Variants in ADGRA3 observed in about 807,000 individuals in gnomAD.
ADGRA3 encodes adhesion G protein-coupled receptor A3, also known as G-protein coupled receptor 125.
In ADGRA3, 56 loss-of-function variants were observed where a neutral mutation model predicts 119.8. The observed-to-expected ratio is 0.47, with a 90% CI of 0.38 to 0.58. The LOEUF is 0.58. Among genes scored for constraint, ADGRA3 ranks in the 20% least tolerant of loss-of-function variants. The pLI is 0.00. For missense variants in ADGRA3, 1,516 were observed against 1,649.0 expected (o/e 0.92, Z 1.40); for synonymous variants, 607 against 623.8 (o/e 0.97, Z 0.40).
chr4:22,447,552 A>G, intron 4 of ADGRA3, 41 bp from the exon 5 acceptor site: 2 of 1,160,624 alleles, frequency 1.7e-6, no homozygotes, highest in Non-Finnish European at 2.5e-6. Flanking sequence ...AAATACAATT[A>G]TCTATCATTT....
intron 7 of ADGRA3, 51 bp downstream of exon 7, chr4:22,442,599 A>C: frequency 7.7e-7 from 1 of 1,303,736 alleles, no homozygotes; most frequent in Non-Finnish European, 1.1e-6. Context: ...CAAAAGGATA[A>C]ATAAAATACA....
At chr4:22,506,267 A>G (rs1430111930) in intron 1 of ADGRA3, among the ~76,000 whole-genome samples, 1 of 152,088 alleles carries the variant, frequency 6.6e-6, no homozygotes, top group Non-Finnish European at 1.5e-5. Flanking sequence ...GAAAAGCAAA[A>G]TAAGGCCGGG....
Position 22,413,823 on chromosome 4 carries a change from A to C in ADGRA3, c.1810-9T>G, listed in dbSNP as rs766504665. On this transcript the variant is annotated splice_polypyrimidine_tract_variant and intron_variant, in intron 12 of 18. Transcript: ENST00000334304. ...GCCTCCACAATAGTATTCTGAAAAA[A>C]TATATATACATAAAAAAAGCTCACT... 1 of 1,564,324 alleles carries C rather than the reference A, an allele frequency of 6.4e-7. No homozygotes were observed. The highest frequency in any genetic ancestry group is 1.2e-5 in the South Asian group (1 of 84,352).
At chr4:22,413,114 T>A (rs1715280716) in intron 14 of ADGRA3, 68 bp downstream of exon 14, 15 of 1,180,664 alleles carry the variant, frequency 1.3e-5, no homozygotes, top group Non-Finnish European at 1.9e-5. Flanking sequence ...AAACACTTCA[T>A]TTGAGCTTAA....
intron 10 of ADGRA3, among the ~76,000 whole-genome samples, chr4:22,431,850 G>A (rs1344115053): frequency 2.0e-5 from 3 of 152,000 alleles, no homozygotes; most frequent in Non-Finnish European, 4.4e-5. Flanking sequence ...AGAAATGTTT[G>A]GGGTCTTTAT....
At chr4:22,396,017 A>T (rs58946984) in intron 16 of ADGRA3, among the ~76,000 whole-genome samples, 5,879 of 152,270 alleles carry the variant, frequency 0.039, 291 homozygotes, top group African/African-American at 0.12. Flanking sequence ...GCAACAAGGT[A>T]TCTTAGATAA....
chr4:22,440,641 A>G (rs771929230), intron 7 of ADGRA3, among the ~76,000 whole-genome samples: 1 of 152,186 alleles, frequency 6.6e-6, no homozygotes, highest in Non-Finnish European at 1.5e-5. Flanking sequence ...ACTTGCAGAA[A>G]TAGATTTATA....
intron 4 of ADGRA3, among the ~76,000 whole-genome samples, chr4:22,452,920 C>T (rs1717101010): frequency 6.6e-6 from 1 of 151,982 alleles, no homozygotes; most frequent in Non-Finnish European, 1.5e-5. Flanking sequence ...AAAATACAGC[C>T]AGGCGTGGTG....
intron 7 of ADGRA3, among the ~76,000 whole-genome samples, chr4:22,439,957 AAC>A (rs1489628100): frequency 2.6e-5 from 4 of 152,230 alleles, no homozygotes; most frequent in East Asian, 1.9e-4. Flanking sequence ...TGAAAAAAGT[AAC>A]ACACATAAAT....
intron 2 of ADGRA3, among the ~76,000 whole-genome samples, chr4:22,465,562 G>A (rs1717625487): frequency 6.6e-6 from 1 of 152,146 alleles, no homozygotes; most frequent in Non-Finnish European, 1.5e-5. Context: ...CTCTAACTCT[G>A]GGCTGTTTGG....
rs188416173 is a variant in ADGRA3 at position 22,427,032 on chromosome 4, G to T, written c.1444-2680C>A. Among the ~76,000 whole-genome samples the T allele has an allele frequency of 1.9e-3, 292 of 152,204 alleles. 1 individual carries two copies. Among genetic ancestry groups the T allele is most frequent in the Non-Finnish European group, 2.3e-3 (155 of 68,014 alleles). ...AACTAGTAAGTCCAAAGTCTTAATG[G>T]GAATTCACAGTAGTTGGAATAACTT... On this transcript the variant is annotated intron_variant, in intron 10 of 18. Transcript: ENST00000334304.
intron 5 of ADGRA3, among the ~76,000 whole-genome samples, 173 bp downstream of exon 5, chr4:22,447,267 C>T (rs1716863593): frequency 6.6e-6 from 1 of 151,790 alleles, no homozygotes; most frequent in Admixed American, 6.6e-5. Context: ...TAGTCTAAAC[C>T]ACATTATTCA....
chr4:22,432,244 T>G lies in ADGRA3; in HGVS notation c.1443+3067A>C, dbSNP rs562968084. On this transcript the variant is annotated intron_variant, in intron 10 of 18. Transcript: ENST00000334304. ...ACATCACCTGAAACTGACTAGAAAT[T>G]CAAATTCTCTGAACCCATTTCAGAC... Among the ~76,000 whole-genome samples, 301 of 152,192 alleles carry G rather than the reference T, an allele frequency of 2.0e-3. 5 individuals carry two copies. The Middle Eastern group carries it at 0.024, about 12-fold the overall frequency.
Position 22,415,009 on chromosome 4 carries a change from T to C in ADGRA3, c.1810-1195A>G, listed in dbSNP as rs188425440. 2.5e-3 allele frequency among the ~76,000 whole-genome samples: 385 copies of C among 152,258 alleles called. 2 individuals carry two copies. Among genetic ancestry groups the C allele is most frequent in the Middle Eastern group, 3.4e-3 (1 of 294 alleles). ...TTGCATCTCCTCAGTATATTGCATC[T>C]TCAGATTAGCTGCTTCCTCTTCTGG... On this transcript the variant is annotated intron_variant, in intron 12 of 18. Coordinates refer to ENST00000334304, the MANE Select transcript of ADGRA3 (RefSeq NM_145290.4).
intron 2 of ADGRA3, among the ~76,000 whole-genome samples, chr4:22,467,463 T>C (rs904481895): frequency 1.3e-5 from 2 of 152,234 alleles, no homozygotes; most frequent in Admixed American, 6.5e-5. Flanking sequence ...AATAGAAATA[T>C]ATAATGTCAG....
chr4:22,500,697 T>A (rs1458782973), intron 1 of ADGRA3, among the ~76,000 whole-genome samples: 1 of 152,204 alleles, frequency 6.6e-6, no homozygotes, highest in Non-Finnish European at 1.5e-5. Flanking sequence ...CTTGTGAATG[T>A]AAAGTAAGAG....
At chr4:22,427,646 G>C (rs1347284573) in intron 10 of ADGRA3, among the ~76,000 whole-genome samples, 1 of 152,124 alleles carries the variant, frequency 6.6e-6, no homozygotes, top group Non-Finnish European at 1.5e-5. Flanking sequence ...CTGTAGCTTG[G>C]TTACAGAAGT....
chr4:22,399,772 C>T (rs1714534861), intron 16 of ADGRA3, among the ~76,000 whole-genome samples: 2 of 152,232 alleles, frequency 1.3e-5, no homozygotes, highest in South Asian at 4.2e-4. Flanking sequence ...TCTGGCTCTG[C>T]TCCTCTTTTT....
rs1334732076 is a variant in ADGRA3 at position 22,515,977 on chromosome 4, G to T, written c.-193C>A. 5.5e-6 allele frequency: 1 copy of T among 181,140 alleles called. No individual in the cohort carries two copies. Among genetic ancestry groups the T allele is most frequent in the Non-Finnish European group, 1.1e-5 (1 of 94,660 alleles). The allele number at this position is 181,140 out of a possible 1,614,324, so 11.2% of individuals were successfully genotyped here. The stretch of plus-strand genomic sequence containing the variant: ...TGCGCTGGGCCTCTAGGGAGCCGGG[G>T]GTCACGGCCGCATGGGTCCCAGCGC... On this transcript the variant is annotated 5_prime_UTR_variant, in exon 1 of 19. Transcript: ENST00000334304.
Sources: allele counts gnomAD v4.1 joint callset (sites outside exome capture counted in the v4.1 genomes callset), GRCh38; gene constraint gnomAD v4.1.1; transcripts MANE v1.5; gene names NCBI Gene and HGNC (gene_info 2026-07-23, HGNC 2026-07-21).